The following ANK1 variants were observed in gnomAD, a reference collection of about 807,000 sequenced individuals.
The protein encoded by ANK1 is ankyrin 1, also known as ankyrin-1.
A neutral mutation model predicts 210.4 loss-of-function variants in ANK1; 51 were observed. The observed-to-expected ratio is 0.24, with a 90% CI of 0.19 to 0.31. ANK1 has a LOEUF of 0.31. Among genes scored for constraint, ANK1 ranks in the 10% least tolerant of loss-of-function variants. The pLI is 1.00. For missense variants in ANK1, 2,051 were observed against 2,504.4 expected (o/e 0.82, Z 3.86); for synonymous variants, 967 against 1,025.9 (o/e 0.94, Z 1.10).
At chr8:41,684,210 G>C (rs200100911) in intron 37 of ANK1, among the ~76,000 whole-genome samples, 1 of 152,244 alleles carries the variant, frequency 6.6e-6, no homozygotes, top group East Asian at 1.9e-4. Flanking sequence ...CTGTGTAGGG[G>C]CAGTCTCTAG....
At chr8:41,846,076 A>C (rs534975084) in intron 1 of ANK1, among the ~76,000 whole-genome samples, 11 of 152,234 alleles carry the variant, frequency 7.2e-5, no homozygotes, top group African/African-American at 1.2e-4. Flanking sequence ...AGGAGGCTCC[A>C]TAAACTGAGG....
intron 37 of ANK1, among the ~76,000 whole-genome samples, chr8:41,673,346 T>C (rs955544425): frequency 2.0e-5 from 3 of 152,204 alleles, no homozygotes; most frequent in African/African-American, 7.2e-5. Flanking sequence ...AACTTCACTT[T>C]AGCTTAGCTC....
chr8:41,893,192 C>G (rs1359625634), intron 1 of ANK1, among the ~76,000 whole-genome samples: 1 of 152,216 alleles, frequency 6.6e-6, no homozygotes, highest in African/African-American at 2.4e-5. Flanking sequence ...TCCCCCAGCC[C>G]TCAAAAGCTG....
chr8:41,848,099 C>T (rs999640730), intron 1 of ANK1, among the ~76,000 whole-genome samples: 7 of 152,034 alleles, frequency 4.6e-5, no homozygotes, highest in Non-Finnish European at 8.8e-5. Context: ...GCACAAGAAT[C>T]ACTTGAACCT....
intron 1 of ANK1, among the ~76,000 whole-genome samples, chr8:41,875,567 G>A (rs1816398785): frequency 6.6e-6 from 1 of 152,194 alleles, no homozygotes; most frequent in African/African-American, 2.4e-5. Flanking sequence ...CGGCAGACAG[G>A]CACATCTGTG....
intron 7 of ANK1, 152 bp from the exon 8 acceptor site, chr8:41,723,785 A>ATT (rs1286820194): frequency 4.3e-6 from 2 of 468,962 alleles, no homozygotes; most frequent in Non-Finnish European, 3.6e-6. Context: ...ATTTTTTTTT[A>ATT]TTTTTTATTT....
chr8:41,755,903 A>G (rs569227508), intron 2 of ANK1, among the ~76,000 whole-genome samples: 1 of 152,170 alleles, frequency 6.6e-6, no homozygotes, highest in African/African-American at 2.4e-5. Context: ...CTGGTCCTTC[A>G]TCCAGTTTGC....
chr8:41,694,829 C>G lies in ANK1; in HGVS notation c.3116-26G>C. 1 of 1,611,046 alleles carries G rather than the reference C, an allele frequency of 6.2e-7. No individual in the cohort carries two copies. Among genetic ancestry groups the G allele is most frequent in the Non-Finnish European group, 8.5e-7 (1 of 1,178,020 alleles). ...CTGGAATCACACACACAGGCCACCA[C>G]CCCGGTCACATCAGGCACAGGTTCA... On this transcript the variant is annotated intron_variant, in intron 27 of 42. Coordinates refer to ENST00000289734, the MANE Select transcript of ANK1 (RefSeq NM_000037.4). The surrounding 1 kb of genome is among the most constrained non-coding windows in gnomAD (Gnocchi z 5.7).
intron 1 of ANK1, among the ~76,000 whole-genome samples, chr8:41,824,938 G>A (rs1019999321): frequency 6.6e-6 from 1 of 152,194 alleles, no homozygotes; most frequent in African/African-American, 2.4e-5. Context: ...GGGTCCACTC[G>A]AGGGTGAAGG....
chr8:41,679,825 A>G (rs1472342539), intron 37 of ANK1, among the ~76,000 whole-genome samples: 1 of 151,544 alleles, frequency 6.6e-6, no homozygotes, highest in African/African-American at 2.4e-5. Flanking sequence ...CGGCCTCCCA[A>G]AGTGCTGGGA....
intron 33 of ANK1, among the ~76,000 whole-genome samples, chr8:41,688,884 T>C (rs1200878240): frequency 3.3e-5 from 5 of 152,232 alleles, no homozygotes; most frequent in Non-Finnish European, 7.3e-5. Context: ...AGGTGGGTGC[T>C]GTATTACTCC....
intron 1 of ANK1, among the ~76,000 whole-genome samples, chr8:41,761,995 T>TAACTCCA (rs1840587246): frequency 6.6e-6 from 1 of 152,122 alleles, no homozygotes; most frequent in African/African-American, 2.4e-5. Context: ...CTAACTGGTC[T>TAACTCCA]TCCCCAAATC....
chr8:41,743,738 G>A (rs980703035), intron 2 of ANK1, among the ~76,000 whole-genome samples: 6 of 152,342 alleles, frequency 3.9e-5, no homozygotes, highest in Non-Finnish European at 5.9e-5. Context: ...AACATGGGGA[G>A]AGGAAAGGCT....
At chr8:41,875,719 C>T (rs1816430457) in intron 1 of ANK1, among the ~76,000 whole-genome samples, 2 of 152,196 alleles carry the variant, frequency 1.3e-5, no homozygotes, top group African/African-American at 4.8e-5. Context: ...TAGAAGAACA[C>T]GCTTTGCAGG....
chr8:41,703,446 A>AT (rs1465782716), intron 20 of ANK1, among the ~76,000 whole-genome samples: 12 of 61,574 alleles, frequency 1.9e-4, no homozygotes, highest in African/African-American at 7.2e-4. Flanking sequence ...ATATATATAT[A>AT]TATATTTTTT....
In ANK1 at chr8:41,715,643, A is replaced by G; in HGVS notation, c.1602+9T>C. ...TTGCTTCCTTAGACCACGAGGCGGG[A>G]GGCTGTACCTTGGTCATGCAGGCCT... On this transcript the variant is annotated intron_variant, in intron 14 of 42. Coordinates refer to ENST00000289734, the MANE Select transcript of ANK1 (RefSeq NM_000037.4). 6.2e-7 allele frequency: 1 copy of G among 1,612,690 alleles called. No individual in the cohort carries two copies. The highest frequency in any genetic ancestry group is 8.5e-7 in the Non-Finnish European group (1 of 1,179,894).
chr8:41,703,516 C>G (rs1823637155), intron 20 of ANK1, among the ~76,000 whole-genome samples: 1 of 143,302 alleles, frequency 7.0e-6, no homozygotes, highest in African/African-American at 2.6e-5. Flanking sequence ...AAGTGGGCAA[C>G]TGGAAAATGG....
chr8:41,659,705 C>G (rs1165933603), intron 42 of ANK1, among the ~76,000 whole-genome samples: 1 of 149,676 alleles, frequency 6.7e-6, no homozygotes, highest in Non-Finnish European at 1.5e-5. Flanking sequence ...ACCGCCCCAC[C>G]CCCCTGCCAC....
intron 1 of ANK1, among the ~76,000 whole-genome samples, chr8:41,780,887 G>A (rs530639731): frequency 6.6e-6 from 1 of 152,114 alleles, no homozygotes; most frequent in Non-Finnish European, 1.5e-5. Context: ...GGGTCCCAGG[G>A]GGTTAGTTTC....
Sources: allele counts gnomAD v4.1 joint callset (sites outside exome capture counted in the v4.1 genomes callset), GRCh38; gene constraint gnomAD v4.1.1; non-coding constraint Gnocchi (gnomAD v3.1); transcripts MANE v1.5; gene names NCBI Gene and HGNC (gene_info 2026-07-23, HGNC 2026-07-21).